TNIK: variants seen among roughly 807,000 people sequenced by gnomAD.
TNIK encodes the protein TRAF2 and NCK interacting kinase, also known as TRAF2 and NCK-interacting protein kinase.
In TNIK, 49 loss-of-function variants were observed where a neutral mutation model predicts 191.3. The observed-to-expected ratio is 0.26, with a 90% confidence interval of 0.20 to 0.32. TNIK has a LOEUF of 0.32. Among genes scored for constraint, TNIK ranks in the 10% least tolerant of loss-of-function variants. The pLI is 1.00. For synonymous variants in TNIK, 594 were observed against 600.9 expected (o/e 0.99, Z 0.17); for missense variants, 1,155 against 1,702.3 (o/e 0.68, Z 5.66).
chr3:171,325,730 C>T (rs890839204), intron 2 of TNIK, among the ~76,000 whole-genome samples: 6 of 152,134 alleles, frequency 3.9e-5, no homozygotes, highest in African/African-American at 7.2e-5. Flanking sequence ...TTCGGGGAGC[C>T]GATAACAGTT....
chr3:171,107,700 G>A (rs1725135923), intron 20 of TNIK, among the ~76,000 whole-genome samples: 1 of 152,162 alleles, frequency 6.6e-6, no homozygotes, highest in Non-Finnish European at 1.5e-5. Context: ...AAATAATATG[G>A]GGAAAGAGTA....
intron 8 of TNIK, 108 bp downstream of exon 8, chr3:171,177,218 G>T: frequency 1.8e-6 from 2 of 1,126,434 alleles, no homozygotes; most frequent in Non-Finnish European, 2.5e-6. Flanking sequence ...TTGAATCCAT[G>T]CAGGGCTCGG....
chr3:171,306,529 A>G (rs1390140171), intron 2 of TNIK, among the ~76,000 whole-genome samples: 3 of 152,198 alleles, frequency 2.0e-5, no homozygotes, highest in Non-Finnish European at 4.4e-5. Context: ...TTCTCAGGGC[A>G]TGCAAAATGA....
chr3:171,185,178 C>CGTGTGTGTGTGTGTGTGTGT (rs148499254), intron 7 of TNIK, among the ~76,000 whole-genome samples: 37 of 145,976 alleles, frequency 2.5e-4, no homozygotes, highest in Admixed American at 9.0e-4. Flanking sequence ...ATAGATTTCC[C>CGTGTGTGTGTGTGTGTGTGT]GTGTGTGTGT....
chr3:171,397,796 G>A (rs1720443148), intron 1 of TNIK, among the ~76,000 whole-genome samples: 1 of 152,116 alleles, frequency 6.6e-6, no homozygotes, highest in African/African-American at 2.4e-5. Flanking sequence ...AGTATGTAGA[G>A]TTTATCAATG....
intron 2 of TNIK, among the ~76,000 whole-genome samples, chr3:171,266,030 C>T (rs1191904834): frequency 2.0e-5 from 3 of 151,564 alleles, no homozygotes; most frequent in Admixed American, 2.0e-4. Flanking sequence ...AATCTAGAAT[C>T]AAAAGGTGGC....
intron 3 of TNIK, among the ~76,000 whole-genome samples, chr3:171,214,092 C>T (rs1342940177): frequency 6.6e-6 from 1 of 151,840 alleles, no homozygotes; most frequent in Non-Finnish European, 1.5e-5. Context: ...AATATAAATC[C>T]TTGATCTTAC....
At chr3:171,279,027 T>C (rs1017709284) in intron 2 of TNIK, among the ~76,000 whole-genome samples, 5 of 152,194 alleles carry the variant, frequency 3.3e-5, no homozygotes, top group Admixed American at 1.3e-4. Flanking sequence ...ACAATTCTTC[T>C]TTTTAGGGGA....
intron 2 of TNIK, among the ~76,000 whole-genome samples, chr3:171,327,662 C>A (rs1037382066): frequency 2.0e-5 from 3 of 151,926 alleles, no homozygotes; most frequent in African/African-American, 7.3e-5. Context: ...AAGCCACAGA[C>A]CACAAAATAT....
intron 12 of TNIK, among the ~76,000 whole-genome samples, chr3:171,151,703 T>G (rs1732453804): frequency 6.6e-6 from 1 of 152,194 alleles, no homozygotes; most frequent in African/African-American, 2.4e-5. Flanking sequence ...GTCTATGCTG[T>G]TAACCAAAAT....
At chr3:171,456,017 T>G (rs1029006813) in intron 1 of TNIK, among the ~76,000 whole-genome samples, 2 of 152,212 alleles carry the variant, frequency 1.3e-5, no homozygotes, top group African/African-American at 4.8e-5. Context: ...AGGTCAATTC[T>G]TAAATCTGGG....
At chr3:171,275,188 A>G (rs979172529) in intron 2 of TNIK, among the ~76,000 whole-genome samples, 4 of 152,220 alleles carry the variant, frequency 2.6e-5, no homozygotes, top group Non-Finnish European at 1.5e-5. Context: ...ATTCAGAGAA[A>G]AAGCACATTC....
At chr3:171,176,960 A>C (rs1372985338) in intron 8 of TNIK, among the ~76,000 whole-genome samples, 1 of 152,198 alleles carries the variant, frequency 6.6e-6, no homozygotes, top group Non-Finnish European at 1.5e-5. Flanking sequence ...CTGTGCACTG[A>C]AAATTAATTT....
At chr3:171,220,868 A>AT (rs897259443) in intron 3 of TNIK, among the ~76,000 whole-genome samples, 1 of 152,162 alleles carries the variant, frequency 6.6e-6, no homozygotes, top group Admixed American at 6.5e-5. Context: ...CCCCAGGCCT[A>AT]TTTTTTGCAC....
intron 3 of TNIK, among the ~76,000 whole-genome samples, chr3:171,215,985 G>C (rs527803587): frequency 5.9e-5 from 9 of 152,256 alleles, no homozygotes; most frequent in Admixed American, 5.9e-4. Flanking sequence ...CTATCCCATA[G>C]ATGTGTGGAC....
At chr3:171,240,261 T>A (rs1473574095) in intron 2 of TNIK, among the ~76,000 whole-genome samples, 1 of 151,944 alleles carries the variant, frequency 6.6e-6, no homozygotes, top group African/African-American at 2.4e-5. Context: ...GTATTTCACA[T>A]AGTCTAGGAG....
In TNIK at chr3:171,060,178, ATAG is replaced by A. The variant is rs1164259535; in HGVS notation, c.*3700_*3702del. Reference sequence around the variant, plus strand: ...AATACAGTGACGGGAACTGGTACACATAGTAGTAGGGAAAGCATTTTTTTAAAA... The same window carrying A: ...AATACAGTGACGGGAACTGGTACACATAGTAGGGAAAGCATTTTTTTAAAA... On this transcript the variant is annotated 3_prime_UTR_variant, in exon 33 of 33. Coordinates refer to ENST00000436636, the MANE Select transcript of TNIK (RefSeq NM_015028.4). Among the ~76,000 whole-genome samples, 1 of 152,164 alleles carries A rather than the reference ATAG, an allele frequency of 6.6e-6. No individual in the cohort carries two copies. The highest frequency in any genetic ancestry group is 1.5e-5 in the Non-Finnish European group (1 of 68,030).
chr3:171,443,402 A>G (rs767893420), intron 1 of TNIK, among the ~76,000 whole-genome samples: 1 of 152,314 alleles, frequency 6.6e-6, no homozygotes, highest in East Asian at 1.9e-4. Flanking sequence ...AGCCATTTCA[A>G]ATTTGTAGCT....
chr3:171,233,721 C>T (rs1743944277), intron 2 of TNIK, among the ~76,000 whole-genome samples: 2 of 152,168 alleles, frequency 1.3e-5, no homozygotes, highest in African/African-American at 4.8e-5. Flanking sequence ...ATGTATTTCC[C>T]TTGTGCCTTC....
Sources: gnomAD v4.1 joint callset for allele counts (sites outside exome capture counted in the v4.1 genomes callset) on GRCh38, gnomAD v4.1.1 for gene constraint, MANE v1.5 for transcripts, NCBI Gene and HGNC (gene_info 2026-07-23, HGNC 2026-07-21) for gene names.